Variants in MAN2A2 observed in about 807,000 individuals in gnomAD.
MAN2A2 encodes alpha-mannosidase 2x.
MAN2A2 carries 79 observed loss-of-function variants against 126.8 expected under a neutral mutation model. The ratio of observed to expected loss-of-function variants is 0.62; its 90% CI spans 0.52 to 0.75. The LOEUF is 0.75. MAN2A2 is among the 30% of genes least tolerant of loss of function. The pLI is 0.00. For synonymous variants in MAN2A2, 671 were observed against 618.7 expected, an observed-to-expected ratio of 1.08 and a Z score of -1.25; for missense variants, 1,392 against 1,522.4, an observed-to-expected ratio of 0.91 and a Z score of 1.43.
Position 90,911,240 on chromosome 15 carries a change from TAA to T in MAN2A2, c.1943+3_1943+4del. The T allele has an allele frequency of 1.2e-6, 2 of 1,614,028 alleles. No individual in the cohort carries two copies. Among genetic ancestry groups the T allele is most frequent in the Non-Finnish European group, 1.7e-6 (2 of 1,179,980 alleles). On this transcript the variant is annotated splice_donor_region_variant and intron_variant, in intron 13 of 22. Coordinates refer to ENST00000559717, the MANE Select transcript of MAN2A2 (RefSeq NM_006122.4). ...GATCCAGCTGGATTCCTCGCCCAGG[TAA>T]CCTGGACTACGCCATGTGCAGAGAG... is the stretch of plus-strand genomic sequence containing the variant.
chr15:90,906,715 T>C (rs752505943), intron 6 of MAN2A2, 25 bp from the exon 7 acceptor site: 1 of 1,607,804 alleles, frequency 6.2e-7, no homozygotes, highest in South Asian at 1.1e-5. Context: ...GTTCAGGGCC[T>C]CTCTGGCTTC....
chr15:90,919,968 A>ATCACTGGGTTT lies in MAN2A2; in HGVS notation c.*181_*182insTCACTGGGTTT. On this transcript the variant is annotated 3_prime_UTR_variant, in exon 23 of 23. Transcript: ENST00000559717. ...TGTTTTCGGCGCAACCCACAAACCC[A>ATCACTGGGTTT]GTGATGGGTAAATAGGGCAGACGCC... 2.9e-6 allele frequency: 2 copies of ATCACTGGGTTT among 682,766 alleles called. No homozygotes were observed. The highest frequency in any genetic ancestry group is 4.8e-6 in the Non-Finnish European group (2 of 413,386). The allele number at this position is 682,766 out of a possible 1,614,324, so 42.3% of individuals were successfully genotyped here. A position where few individuals can be genotyped will look rare whatever the true frequency, so the allele number is the denominator to read the frequency against.
intron 22 of MAN2A2, 87 bp from the exon 23 acceptor site, chr15:90,919,548 A>G: frequency 2.7e-6 from 4 of 1,507,484 alleles, no homozygotes; most frequent in Middle Eastern, 2.3e-4. Flanking sequence ...TGAGATTCTT[A>G]AAGAGGTACC....
chr15:90,910,926 T>C lies in MAN2A2; in HGVS notation c.1840T>C (p.Tyr614His). The change falls in exon 12 of 23, where the codon TAC (tyrosine) becomes CAC (histidine). Residue 614 changes from tyrosine (Y) to histidine (H), a missense_variant. By Grantham distance (83) the Tyr-to-His change is moderately conservative (BLOSUM62 2). Transcript: ENST00000559717. The stretch of plus-strand genomic sequence containing the variant: ...TCTGGTGCTGGGGGACAAGGAGACC[T>C]ACCACTTTGACCCTGAGGCGCCCTT... ...HYLVLGDKET[Y>H]HFDPEAPFLQ... 1 of 1,614,144 alleles carries C rather than the reference T, an allele frequency of 6.2e-7. No individual in the cohort carries two copies. Among genetic ancestry groups the C allele is most frequent in the Admixed American group, 1.7e-5 (1 of 60,024 alleles).
rs1349788978 is a variant in MAN2A2 at position 90,910,312 on chromosome 15, T to G, written c.1577+20T>G. Reference sequence around the variant, plus strand: ...CCTGCGGTGAGACCCTGTCCCCGCTTCCAGGCTGGAGGGGGAGAGTCAGCC... The same window carrying G: ...CCTGCGGTGAGACCCTGTCCCCGCTGCCAGGCTGGAGGGGGAGAGTCAGCC... On this transcript the variant is annotated intron_variant, in intron 10 of 22. Coordinates refer to ENST00000559717, the MANE Select transcript of MAN2A2 (RefSeq NM_006122.4). The G allele has an allele frequency of 6.2e-7, 1 of 1,612,478 alleles. No individual in the cohort carries two copies. Among genetic ancestry groups the G allele is most frequent in the East Asian group, 2.2e-5 (1 of 44,872 alleles).
At chr15:90,916,955 G>A (rs896910965) in intron 20 of MAN2A2, among the ~76,000 whole-genome samples, 12 of 152,188 alleles carry the variant, frequency 7.9e-5, no homozygotes, top group Admixed American at 6.5e-4. Context: ...TCGAGGTCAA[G>A]GAGGTGTCAC....
chr15:90,921,695 G>C lies in MAN2A2; in HGVS notation c.*1908G>C, dbSNP rs1159548609. The C allele has an allele frequency of 1.3e-5, 2 of 152,248 alleles. No homozygotes were observed. Among genetic ancestry groups the C allele is most frequent in the Non-Finnish European group, 2.9e-5 (2 of 68,050 alleles). The allele number at this position is 152,248 out of a possible 1,614,324, so 9.4% of individuals were successfully genotyped here. A position where few individuals can be genotyped will look rare whatever the true frequency, so the allele number is the denominator to read the frequency against. ...GCACTTTGGGAGGCCAAGGTGGGTG[G>C]ATCACTTGAGGTCAGGAGTTCGAGA... On this transcript the variant is annotated 3_prime_UTR_variant, in exon 23 of 23. Transcript: ENST00000559717.
chr15:90,912,008 G>T (rs201847461), intron 14 of MAN2A2, 35 bp from the exon 15 acceptor site: 4 of 1,566,018 alleles, frequency 2.6e-6, no homozygotes, highest in Non-Finnish European at 3.5e-6. Context: ...GGCGAAAGCC[G>T]TGCCCCCACT....
chr15:90,907,601 A>G lies in MAN2A2; in HGVS notation c.1196+106A>G, dbSNP rs892119506. The G allele has an allele frequency of 2.9e-6, 3 of 1,032,386 alleles. No homozygotes were observed. The African/African-American group carries it at 4.8e-5, about 17-fold the overall frequency. 64.0% of individuals were successfully genotyped at this position (1,032,386 alleles called of 1,614,324 possible). A position where few individuals can be genotyped will look rare whatever the true frequency, so the allele number is the denominator to read the frequency against. On this transcript the variant is annotated intron_variant, in intron 8 of 22. Coordinates refer to ENST00000559717, the MANE Select transcript of MAN2A2 (RefSeq NM_006122.4). ...GCTCAGGTGGTGAGTTGAGGCTCCTAGCCTCTGCAGCAGCAGCTCCTTACT... is the reference window on the plus strand; with the variant it reads ...GCTCAGGTGGTGAGTTGAGGCTCCTGGCCTCTGCAGCAGCAGCTCCTTACT...
chr15:90,913,078 A>C (rs2034891074), intron 17 of MAN2A2, 87 bp downstream of exon 17: 5 of 1,216,518 alleles, frequency 4.1e-6, no homozygotes, highest in East Asian at 4.7e-5. Flanking sequence ...TTCTCTGTTC[A>C]TACCTCTGTT....
chr15:90,917,360 G>A (rs914674606), intron 20 of MAN2A2, among the ~76,000 whole-genome samples: 4 of 152,200 alleles, frequency 2.6e-5, no homozygotes, highest in African/African-American at 9.7e-5. Context: ...GGCTAGGAAA[G>A]GTCCAGGCTA....
At chr15:90,906,528 C>T (rs1367048071) in intron 6 of MAN2A2, 31 bp downstream of exon 6, 1 of 1,613,818 alleles carries the variant, frequency 6.2e-7, no homozygotes, top group African/African-American at 1.3e-5. Flanking sequence ...GGGGGTCTGC[C>T]CCCTGGGCTG....
At position 90,906,236 on chromosome 15, in the gene MAN2A2, G is replaced by A. The variant is rs577370696; in HGVS notation, c.708-134G>A. 18 of 1,324,484 alleles carry A rather than the reference G, an allele frequency of 1.4e-5. No homozygotes were observed. In the African/African-American group the frequency reaches 2.5e-4, roughly 18 times the overall value. 82.0% of individuals were successfully genotyped at this position (1,324,484 alleles called of 1,614,324 possible). On this transcript the variant is annotated intron_variant, in intron 5 of 22. Transcript: ENST00000559717. Reference sequence around the variant, plus strand: ...GTTGGCTGTAAGGAAAGGAGGGCAAGTGTGTGTTCTCTTGGTCCTGGGATT... The same window carrying A: ...GTTGGCTGTAAGGAAAGGAGGGCAAATGTGTGTTCTCTTGGTCCTGGGATT...
intron 18 of MAN2A2, 63 bp downstream of exon 18, chr15:90,913,469 C>T (rs1016950405): frequency 2.5e-4 from 396 of 1,578,552 alleles, no homozygotes; most frequent in Non-Finnish European, 3.2e-4. Context: ...GCTTTTGCCC[C>T]TGTCACAGGC....
chr15:90,907,557 CG>C, intron 8 of MAN2A2, 62 bp downstream of exon 8: 1 of 1,516,542 alleles, frequency 6.6e-7, no homozygotes, highest in Non-Finnish European at 8.9e-7. Flanking sequence ...TGGTCTGGGC[CG>C]TGCCACGTGG....
chr15:90,919,990 C>T lies in MAN2A2; in HGVS notation c.*203C>T, dbSNP rs1303958705. On this transcript the variant is annotated 3_prime_UTR_variant, in exon 23 of 23. Transcript: ENST00000559717. ...CCCAGTGATGGGTAAATAGGGCAGA[C>T]GCCAGTGAGATCAGGGAGAGAAGGC... 2.0e-5 allele frequency: 12 copies of T among 593,960 alleles called. No homozygotes were observed. Among genetic ancestry groups the T allele is most frequent in the East Asian group, 6.0e-5 (2 of 33,582 alleles). The allele number at this position is 593,960 out of a possible 1,614,324, so 36.8% of individuals were successfully genotyped here.
rs2034539887 is a variant in MAN2A2 at position 90,909,332 on chromosome 15, C to T, written c.1202C>T (p.Ala401Val). The change falls in exon 9 of 23, where the codon GCC becomes GTC. Residue 401 changes from alanine (A) to valine (V), a missense_variant. Ala to Val is a moderately conservative substitution (Grantham distance 64). Coordinates refer to ENST00000559717, the MANE Select transcript of MAN2A2 (RefSeq NM_006122.4). ...TGTTTTTTTTCCTGCCCCAGGGCAG[C>T]CCTGCTTCTGGACCAATACCGGAAG... is the stretch of plus-strand genomic sequence containing the variant. ...ITEANVAERAALLLDQYRKKS... is the reference protein window; with the variant it reads ...ITEANVAERAVLLLDQYRKKS... The T allele has an allele frequency of 1.9e-6, 3 of 1,608,992 alleles. No individual in the cohort carries two copies. The highest frequency in any genetic ancestry group is 3.3e-5 in the Admixed American group (2 of 59,786).
At position 90,922,363 on chromosome 15, in the gene MAN2A2, T is replaced by C. The variant is rs1265010028; in HGVS notation, c.*2576T>C. On this transcript the variant is annotated 3_prime_UTR_variant, in exon 23 of 23. Coordinates refer to ENST00000559717, the MANE Select transcript of MAN2A2 (RefSeq NM_006122.4). ...ACACAGTGGAACCCCATTTATATCA[T>C]AGCAGAAGAAATAGGATTATCAATG... The C allele has an allele frequency of 1.3e-5, 2 of 152,170 alleles. No individual in the cohort carries two copies. Among genetic ancestry groups the C allele is most frequent in the East Asian group, 1.9e-4 (1 of 5,192 alleles). The allele number at this position is 152,170 out of a possible 1,614,324, so 9.4% of individuals were successfully genotyped here. A position where few individuals can be genotyped will look rare whatever the true frequency, so the allele number is the denominator to read the frequency against.
chr15:90,912,516 G>T (rs763972211), intron 15 of MAN2A2, 26 bp from the exon 16 acceptor site: 2 of 1,610,882 alleles, frequency 1.2e-6, no homozygotes, highest in Non-Finnish European at 8.5e-7. Context: ...TGTGGGGCCA[G>T]GGGTCAGGGC....
Sources: gnomAD v4.1 joint callset for allele counts (sites outside exome capture counted in the v4.1 genomes callset) on GRCh38, gnomAD v4.1.1 for gene constraint, MANE v1.5 for transcripts, NCBI Gene and HGNC (gene_info 2026-07-23, HGNC 2026-07-21) for gene names.